The following EPHB1 variants were observed in gnomAD, a reference collection of about 807,000 sequenced individuals.
EPHB1 encodes EPH receptor B1.
A neutral mutation model predicts 94.4 loss-of-function variants in EPHB1; 30 were observed. The observed-to-expected ratio is 0.32, with a 90% CI of 0.24 to 0.43. The LOEUF is 0.43. EPHB1 is among the 20% of genes least tolerant of loss of function. The probability of loss-of-function intolerance (pLI) is 1.00; values close to 1 mark genes in which losing one functional copy is unlikely to be tolerated. For missense variants in EPHB1, 1,055 were observed against 1,308.3 expected, an observed-to-expected ratio of 0.81 and a Z score of 2.99; for synonymous variants, 522 against 489.1, an observed-to-expected ratio of 1.07 and a Z score of -0.89.
chr3:135,128,832 AT>A (rs34865226), intron 4 of EPHB1, among the ~76,000 whole-genome samples: 4 of 152,022 alleles, frequency 2.6e-5, no homozygotes, highest in African/African-American at 9.7e-5. Context: ...ATGAATGGTC[AT>A]TTTTTTGTGG....
intron 3 of EPHB1, among the ~76,000 whole-genome samples, chr3:135,093,615 G>T (rs921014512): frequency 6.6e-6 from 1 of 151,762 alleles, no homozygotes; most frequent in Non-Finnish European, 1.5e-5. Flanking sequence ...CCAGGTATTC[G>T]GGAAGCTATG....
intron 6 of EPHB1, among the ~76,000 whole-genome samples, chr3:135,158,638 A>T (rs1041729847): frequency 6.6e-6 from 1 of 152,154 alleles, no homozygotes; most frequent in African/African-American, 2.4e-5. Context: ...CAGCTCATTA[A>T]TAGAGAGCTC....
At chr3:135,157,777 CAAT>C (rs1553742881) in intron 6 of EPHB1, among the ~76,000 whole-genome samples, 1 of 152,156 alleles carries the variant, frequency 6.6e-6, no homozygotes, top group Non-Finnish European at 1.5e-5. Flanking sequence ...CCTTTTGAAA[CAAT>C]GATGATAATT....
intron 5 of EPHB1, among the ~76,000 whole-genome samples, chr3:135,151,321 C>T (rs1559852523): frequency 6.6e-6 from 1 of 152,132 alleles, no homozygotes; most frequent in Non-Finnish European, 1.5e-5. Context: ...CTCCTCTCTT[C>T]TGGGTCCCAC....
At position 134,955,668 on chromosome 3, in the gene EPHB1, C is replaced by T. The variant is rs1398073305; in HGVS notation, c.805+3616C>T. On this transcript the variant is annotated intron_variant, in intron 3 of 15. Coordinates refer to ENST00000398015, the MANE Select transcript of EPHB1 (RefSeq NM_004441.5). ...AATCATGCTGCTATAAAGACACATG[C>T]ACACGTATGTTTATTGCGGCACTAT... Among the ~76,000 whole-genome samples the T allele has an allele frequency of 5.0e-5, 2 of 40,236 alleles. 1 individual carries two copies. The highest frequency in any genetic ancestry group is 3.6e-4 in the African/African-American group (2 of 5,486). The allele number at this position is 40,236 out of a possible 152,430, so 26.4% of individuals were successfully genotyped here.
chr3:135,086,396 G>A (rs550899692), intron 3 of EPHB1, among the ~76,000 whole-genome samples: 3 of 151,854 alleles, frequency 2.0e-5, no homozygotes, highest in South Asian at 4.2e-4. Context: ...GACTCAGTTC[G>A]ACATCGTGCC....
At chr3:135,045,635 G>A (rs1016086873) in intron 3 of EPHB1, among the ~76,000 whole-genome samples, 2 of 152,204 alleles carry the variant, frequency 1.3e-5, no homozygotes, top group Admixed American at 6.5e-5. Context: ...GAAAGTGTTT[G>A]TTGCAAATGA....
At chr3:134,804,345 T>C (rs991303973) in intron 1 of EPHB1, among the ~76,000 whole-genome samples, 2 of 152,164 alleles carry the variant, frequency 1.3e-5, no homozygotes, top group East Asian at 3.9e-4. Context: ...ATCACCAGAA[T>C]AGCACGGGGA....
intron 4 of EPHB1, among the ~76,000 whole-genome samples, chr3:135,107,781 A>G (rs1301381877): frequency 6.6e-6 from 1 of 152,198 alleles, no homozygotes; most frequent in Non-Finnish European, 1.5e-5. Flanking sequence ...TCCTGAGTTC[A>G]ATCAATGTGT....
intron 5 of EPHB1, among the ~76,000 whole-genome samples, chr3:135,143,275 G>T (rs1940891759): frequency 6.6e-6 from 1 of 152,180 alleles, no homozygotes; most frequent in African/African-American, 2.4e-5. Flanking sequence ...GGCATGGCAG[G>T]ATGGAAGCCC....
At chr3:134,879,967 A>G (rs562486898) in intron 1 of EPHB1, among the ~76,000 whole-genome samples, 1 of 152,358 alleles carries the variant, frequency 6.6e-6, no homozygotes, top group South Asian at 2.1e-4. Flanking sequence ...AACAAATAAT[A>G]AAAACATTCT....
chr3:134,823,585 A>G (rs963442834), intron 1 of EPHB1, among the ~76,000 whole-genome samples: 1 of 152,214 alleles, frequency 6.6e-6, no homozygotes, highest in African/African-American at 2.4e-5. Context: ...TACAGATAGG[A>G]AAACCAAGGC....
At chr3:135,122,357 CA>C (rs1205231073) in intron 4 of EPHB1, among the ~76,000 whole-genome samples, 3 of 152,126 alleles carry the variant, frequency 2.0e-5, no homozygotes, top group African/African-American at 7.2e-5. Context: ...TGCTGCATTT[CA>C]GGGGTATGAA....
At chr3:135,223,923 T>C (rs1943331570) in intron 12 of EPHB1, among the ~76,000 whole-genome samples, 1 of 152,224 alleles carries the variant, frequency 6.6e-6, no homozygotes. Flanking sequence ...TCATGTCTCT[T>C]TAATCTCCTT....
intron 3 of EPHB1, among the ~76,000 whole-genome samples, chr3:135,023,801 A>G (rs1936053262): frequency 6.6e-6 from 1 of 152,104 alleles, no homozygotes. Flanking sequence ...AATCTGGGAG[A>G]AACTGTGTCA....
At chr3:134,823,048 A>G (rs1191092299) in intron 1 of EPHB1, among the ~76,000 whole-genome samples, 2 of 152,212 alleles carry the variant, frequency 1.3e-5, no homozygotes, top group Non-Finnish European at 2.9e-5. Context: ...ACAGGACTAC[A>G]GGACCACCCA....
chr3:134,974,307 C>G (rs1934099384), intron 3 of EPHB1, among the ~76,000 whole-genome samples: 1 of 151,928 alleles, frequency 6.6e-6, no homozygotes, highest in Admixed American at 6.6e-5. Flanking sequence ...GACTCTGGAG[C>G]CAGACTGCCT....
chr3:135,124,444 A>G (rs2140766), intron 4 of EPHB1, among the ~76,000 whole-genome samples: 47,030 of 151,622 alleles, frequency 0.31, 8,129 homozygotes, highest in Middle Eastern at 0.43. Context: ...CACTGTCTTC[A>G]CATTCATCAT....
chr3:134,921,819 A>G (rs1271925446), intron 1 of EPHB1, among the ~76,000 whole-genome samples: 2 of 152,172 alleles, frequency 1.3e-5, no homozygotes, highest in Admixed American at 6.5e-5. Flanking sequence ...AATCCTGCCT[A>G]CTAGTTAGCT....
Sources: allele counts gnomAD v4.1 joint callset (sites outside exome capture counted in the v4.1 genomes callset), GRCh38; gene constraint gnomAD v4.1.1; transcripts MANE v1.5; gene names NCBI Gene and HGNC (gene_info 2026-07-23, HGNC 2026-07-21).